TMEM182: variants seen among roughly 807,000 people sequenced by gnomAD.
The protein encoded by TMEM182 is transmembrane protein 182.
In TMEM182, 20 loss-of-function variants were observed where a neutral mutation model predicts 26.8. The observed-to-expected ratio is 0.75, with a 90% confidence interval of 0.53 to 1.09. The LOEUF is 1.09. TMEM182 is among the 50% of genes least tolerant of loss of function. The pLI, the probability that TMEM182 is intolerant of heterozygous loss-of-function variation, is 0.00. For synonymous variants in TMEM182, 109 were observed against 102.2 expected (o/e 1.07, Z -0.40); for missense variants, 277 against 275.5 (o/e 1.01, Z -0.04).
At chr2:102,798,766 G>A (rs141315404) in intron 4 of TMEM182, among the ~76,000 whole-genome samples, 25,489 of 152,048 alleles carry the variant, frequency 0.17, 2,201 homozygotes, top group East Asian at 0.22. Context: ...ACTTGAACTC[G>A]GGAGGCGGAG....
chr2:102,747,331 GTCA>G (rs1679731032), intron 1 of TMEM182, among the ~76,000 whole-genome samples: 1 of 152,206 alleles, frequency 6.6e-6, no homozygotes, highest in Non-Finnish European at 1.5e-5. Flanking sequence ...CAGGGAAAGT[GTCA>G]TCATCTGTAT....
intron 4 of TMEM182, among the ~76,000 whole-genome samples, chr2:102,802,416 C>T (rs944528440): frequency 1.3e-5 from 2 of 152,198 alleles, no homozygotes; most frequent in Admixed American, 1.3e-4. Flanking sequence ...GCAGGCCAGG[C>T]CACCTGTTTC....
At chr2:102,767,069 T>C (rs1680482471) in intron 3 of TMEM182, among the ~76,000 whole-genome samples, 1 of 152,208 alleles carries the variant, frequency 6.6e-6, no homozygotes, top group Non-Finnish European at 1.5e-5. Flanking sequence ...TCATCGATAA[T>C]CTACTAAACT....
At chr2:102,771,005 G>C (rs1250847322) in intron 3 of TMEM182, among the ~76,000 whole-genome samples, 1 of 152,104 alleles carries the variant, frequency 6.6e-6, no homozygotes, top group Non-Finnish European at 1.5e-5. Context: ...CCCACCTCTG[G>C]CTTGCAGATC....
intron 3 of TMEM182, among the ~76,000 whole-genome samples, chr2:102,823,680 A>T (rs1280386728): frequency 6.6e-6 from 1 of 152,212 alleles, no homozygotes; most frequent in Non-Finnish European, 1.5e-5. Flanking sequence ...AAAATAGCAC[A>T]TAATGCATCC....
At chr2:102,759,985 C>T (rs1052837248), upstream of TMEM182, among the ~76,000 whole-genome samples, 3 of 152,130 alleles carry the variant, frequency 2.0e-5, no homozygotes, top group Non-Finnish European at 2.9e-5. Context: ...CAGGATATTG[C>T]CATGTAAAAT....
At chr2:102,762,722 G>A (rs1188545763) in intron 2 of TMEM182, 36 bp downstream of exon 2, 1 of 1,564,056 alleles carries the variant, frequency 6.4e-7, no homozygotes, top group South Asian at 1.1e-5. Context: ...CCTCTTGTCT[G>A]TAAAATAAAA....
intron 1 of TMEM182, among the ~76,000 whole-genome samples, chr2:102,738,161 G>A (rs965244194): frequency 5.9e-5 from 9 of 152,142 alleles, no homozygotes; most frequent in Non-Finnish European, 1.2e-4. Context: ...TGGGAAAGGC[G>A]CCTTGAAAGG....
chr2:102,767,957 T>G (rs894282964), intron 3 of TMEM182, among the ~76,000 whole-genome samples: 3 of 152,122 alleles, frequency 2.0e-5, no homozygotes, highest in Admixed American at 2.0e-4. Flanking sequence ...CTTCCCCAAA[T>G]GCTGTTCCTC....
chr2:102,798,058 T>G (rs1218609078), intron 4 of TMEM182, 58 bp downstream of exon 4: 8 of 1,553,888 alleles, frequency 5.1e-6, no homozygotes, highest in Non-Finnish European at 6.9e-6. Context: ...TGTCTTTCTA[T>G]TTTTCATTTC....
chr2:102,758,201 T>C (rs1369383397), upstream of TMEM182, among the ~76,000 whole-genome samples: 2 of 152,188 alleles, frequency 1.3e-5, no homozygotes, highest in Non-Finnish European at 2.9e-5. Context: ...CCCTTTCTAT[T>C]GAAAGGCCCC....
Position 102,827,904 on chromosome 2 carries a change from A to G in TMEM182, c.326-15508A>G, listed in dbSNP as rs1008962244. ...TCAGGAGTTCGAGGCCCGCCTGGCC[A>G]ACATGGTGAAACCCCATCTCTACTA... is the stretch of plus-strand genomic sequence containing the variant. On this transcript the variant is annotated intron_variant, in intron 3 of 3. Transcript: ENST00000486293. 2.6e-5 allele frequency among the ~76,000 whole-genome samples: 4 copies of G among 152,180 alleles called. No individual in the cohort carries two copies. The East Asian group carries it at 7.7e-4, about 29-fold the overall frequency.
At chr2:102,834,281 A>G (rs1262696419) in intron 3 of TMEM182, 2 of 620,440 alleles carry the variant, frequency 3.2e-6, no homozygotes, top group Non-Finnish European at 4.0e-6. Flanking sequence ...CATGCACAAC[A>G]GTCTCTGTAA....
At chr2:102,750,524 A>G (rs1679847841) in intron 1 of TMEM182, among the ~76,000 whole-genome samples, 1 of 152,170 alleles carries the variant, frequency 6.6e-6, no homozygotes, top group Non-Finnish European at 1.5e-5. Context: ...CTGATTGGCC[A>G]TAATAGGGCA....
upstream of TMEM182, among the ~76,000 whole-genome samples, chr2:102,760,424 A>T (rs996307339): frequency 7.9e-5 from 12 of 152,284 alleles, no homozygotes; most frequent in African/African-American, 2.9e-4. Flanking sequence ...CAGAGCTATT[A>T]TGGCTGTTAC....
chr2:102,794,177 A>G (rs1371449405), intron 3 of TMEM182, among the ~76,000 whole-genome samples: 1 of 152,262 alleles, frequency 6.6e-6, no homozygotes, highest in Non-Finnish European at 1.5e-5. Context: ...GGATGGACAC[A>G]AACATCTCTA....
At chr2:102,765,604 A>G (rs1163853529) in intron 3 of TMEM182, among the ~76,000 whole-genome samples, 3 of 152,152 alleles carry the variant, frequency 2.0e-5, no homozygotes, top group African/African-American at 4.8e-5. Context: ...ACATGGAACT[A>G]TTTTTCATCT....
At chr2:102,796,478 T>A (rs1681872603) in intron 3 of TMEM182, among the ~76,000 whole-genome samples, 1 of 152,174 alleles carries the variant, frequency 6.6e-6, no homozygotes, top group South Asian at 2.1e-4. Context: ...ATGAAATAAA[T>A]GAAAATGTAA....
intron 1 of TMEM182, among the ~76,000 whole-genome samples, chr2:102,738,858 G>A (rs895680454): frequency 1.3e-5 from 2 of 152,170 alleles, no homozygotes; most frequent in Non-Finnish European, 2.9e-5. Flanking sequence ...ATGTTCAGAT[G>A]CCAGAGTTTT....
Sources: allele counts gnomAD v4.1 joint callset (sites outside exome capture counted in the v4.1 genomes callset), GRCh38; gene constraint gnomAD v4.1.1; transcripts MANE v1.5; gene names NCBI Gene and HGNC (gene_info 2026-07-23, HGNC 2026-07-21).